The following HPSE2 variants were observed in gnomAD, a reference collection of about 807,000 sequenced individuals.
HPSE2 encodes the protein heparanase 2 (inactive), also known as inactive heparanase-2.
In HPSE2, 38 loss-of-function variants were observed where a neutral mutation model predicts 60.5. The observed-to-expected ratio is 0.63, with a 90% CI of 0.48 to 0.82. The LOEUF (loss-of-function observed/expected upper bound fraction) is 0.82. Among genes scored for constraint, HPSE2 ranks in the 40% least tolerant of loss-of-function variants. The pLI, the probability that HPSE2 is intolerant of heterozygous loss-of-function variation, is 0.00. For missense variants in HPSE2, 713 were observed against 740.4 expected (o/e 0.96, Z 0.43); for synonymous variants, 295 against 293.2 (o/e 1.01, Z -0.06).
At chr10:98,558,542 T>C (rs1246996243) in intron 9 of HPSE2, among the ~76,000 whole-genome samples, 4 of 152,158 alleles carry the variant, frequency 2.6e-5, no homozygotes, top group African/African-American at 9.7e-5. Context: ...TTATAGAGTA[T>C]AAAACTGGCA....
At chr10:99,000,592 A>G (rs1956755602) in intron 3 of HPSE2, among the ~76,000 whole-genome samples, 1 of 152,130 alleles carries the variant, frequency 6.6e-6, no homozygotes, top group Non-Finnish European at 1.5e-5. Flanking sequence ...GGAAAAGACT[A>G]TTTGATTTGA....
At chr10:98,887,076 A>G (rs541695085) in intron 3 of HPSE2, among the ~76,000 whole-genome samples, 18 of 152,182 alleles carry the variant, frequency 1.2e-4, no homozygotes, top group Non-Finnish European at 2.4e-4. Context: ...CAAAGTTGAA[A>G]TGATTAATAT....
intron 3 of HPSE2, among the ~76,000 whole-genome samples, chr10:98,903,544 ACT>A (rs755946593): frequency 3.3e-5 from 5 of 151,014 alleles, no homozygotes; most frequent in Non-Finnish European, 7.4e-5. Context: ...AAGCGGTCTC[ACT>A]CTCTCTCTCT....
chr10:98,510,211 T>C (rs1942344554), intron 9 of HPSE2, among the ~76,000 whole-genome samples: 1 of 152,210 alleles, frequency 6.6e-6, no homozygotes, highest in African/African-American at 2.4e-5. Flanking sequence ...TTTCTCAGGC[T>C]TCCTATTTCC....
In HPSE2 at chr10:98,755,902, G is replaced by A. The variant is rs187082464; in HGVS notation, c.611-11846C>T. Among the ~76,000 whole-genome samples the A allele has an allele frequency of 7.4e-4, 112 of 152,180 alleles. 1 individual carries two copies. Among genetic ancestry groups the A allele is most frequent in the African/African-American group, 2.6e-3 (108 of 41,504 alleles). On this transcript the variant is annotated intron_variant, in intron 3 of 11. Coordinates refer to ENST00000370552, the MANE Select transcript of HPSE2 (RefSeq NM_021828.5). Reference sequence around the variant, plus strand: ...TCCCAGCTACTCGGGAGGCTGAGGTGAGAGAACTGCTTGAACCAGGGAGTT... The same window carrying A: ...TCCCAGCTACTCGGGAGGCTGAGGTAAGAGAACTGCTTGAACCAGGGAGTT...
intron 3 of HPSE2, among the ~76,000 whole-genome samples, chr10:98,799,870 A>G (rs1015325100): frequency 3.9e-5 from 6 of 152,212 alleles, no homozygotes; most frequent in Non-Finnish European, 8.8e-5. Flanking sequence ...TGCATCTTAA[A>G]GAATTAGAAA....
At position 98,688,482 on chromosome 10, in the gene HPSE2, T is replaced by C. The variant is rs536787793; in HGVS notation, c.1004+5418A>G. On this transcript the variant is annotated intron_variant, in intron 6 of 11. Coordinates refer to ENST00000370552, the MANE Select transcript of HPSE2 (RefSeq NM_021828.5). ...TAGCATTTCTTTTTTTTTTTCTTTT[T>C]TTTTTTTTTTTGAGGCAGAATCTTG... 9.5e-5 allele frequency among the ~76,000 whole-genome samples: 13 copies of C among 137,560 alleles called. No homozygotes were observed. In the South Asian group the frequency reaches 1.1e-3, roughly 12 times the overall value. The allele number at this position is 137,560 out of a possible 152,430, so 90.2% of individuals were successfully genotyped here. A position where few individuals can be genotyped will look rare whatever the true frequency, so the allele number is the denominator to read the frequency against.
In HPSE2 at chr10:98,577,620, C is replaced by T. The variant is rs191186380; in HGVS notation, c.1320+37284G>A. Reference sequence around the variant, plus strand: ...TGGAGAGGTATTTTTCTCTCTCTTACCACAGTAAGCAATAAACTCAGTTTT... The same window carrying T: ...TGGAGAGGTATTTTTCTCTCTCTTATCACAGTAAGCAATAAACTCAGTTTT... On this transcript the variant is annotated intron_variant, in intron 9 of 11. Transcript: ENST00000370552. Among the ~76,000 whole-genome samples the T allele has an allele frequency of 7.9e-5, 12 of 152,274 alleles. No individual in the cohort carries two copies. The East Asian group carries it at 2.1e-3, about 27-fold the overall frequency.
intron 9 of HPSE2, among the ~76,000 whole-genome samples, chr10:98,610,485 G>GTA (rs1182842811): frequency 2.6e-5 from 4 of 152,156 alleles, no homozygotes; most frequent in Non-Finnish European, 5.9e-5. Context: ...CTAGTGAATT[G>GTA]TACTCCAATC....
chr10:98,553,362 C>T (rs59605086), intron 9 of HPSE2, among the ~76,000 whole-genome samples: 14,409 of 152,154 alleles, frequency 0.095, 895 homozygotes, highest in African/African-American at 0.16. Flanking sequence ...TCTTAGTTTG[C>T]GCTGTTCTTT....
chr10:99,055,725 C>G (rs901468631), intron 3 of HPSE2, among the ~76,000 whole-genome samples: 6 of 152,010 alleles, frequency 3.9e-5, no homozygotes, highest in Non-Finnish European at 7.4e-5. Context: ...CTAAATAACC[C>G]ATGGGTCAGG....
intron 9 of HPSE2, among the ~76,000 whole-genome samples, chr10:98,584,295 C>T (rs568388591): frequency 6.6e-6 from 1 of 152,292 alleles, no homozygotes; most frequent in Non-Finnish European, 1.5e-5. Flanking sequence ...AAAGCCTTCA[C>T]TGGACTGAAT....
At chr10:98,869,699 G>C (rs1405246365) in intron 3 of HPSE2, among the ~76,000 whole-genome samples, 2 of 152,070 alleles carry the variant, frequency 1.3e-5, no homozygotes, top group African/African-American at 2.4e-5. Flanking sequence ...ACCAATGGTG[G>C]CAAATTTGGA....
intron 9 of HPSE2, among the ~76,000 whole-genome samples, chr10:98,517,462 C>T (rs1009114939): frequency 1.3e-5 from 2 of 152,122 alleles, no homozygotes; most frequent in African/African-American, 2.4e-5. Flanking sequence ...GAGAGTACCT[C>T]GTAAATACAC....
intron 9 of HPSE2, among the ~76,000 whole-genome samples, chr10:98,609,991 G>A (rs1490298745): frequency 6.6e-6 from 1 of 151,900 alleles, no homozygotes; most frequent in Non-Finnish European, 1.5e-5. Flanking sequence ...ACAGGTGCCC[G>A]CCACCATGCC....
At chr10:98,829,090 AG>A (rs1951621061) in intron 3 of HPSE2, among the ~76,000 whole-genome samples, 1 of 152,236 alleles carries the variant, frequency 6.6e-6, no homozygotes, top group African/African-American at 2.4e-5. Context: ...TGCTCAGAAA[AG>A]GGCAAATACT....
intron 3 of HPSE2, among the ~76,000 whole-genome samples, chr10:98,843,559 C>T (rs558706021): frequency 2.0e-5 from 3 of 152,238 alleles, no homozygotes; most frequent in African/African-American, 7.2e-5. Flanking sequence ...AATAATTAAG[C>T]TACAACATAA....
At chr10:98,656,082 GTTT>G (rs34294462) in intron 6 of HPSE2, among the ~76,000 whole-genome samples, 3 of 140,836 alleles carry the variant, frequency 2.1e-5, no homozygotes, top group Admixed American at 7.1e-5. Flanking sequence ...TCCTATTTGA[GTTT>G]TTTTTTTTTT....
intron 11 of HPSE2, among the ~76,000 whole-genome samples, chr10:98,479,837 T>A (rs1437003393): frequency 6.6e-6 from 1 of 152,196 alleles, no homozygotes; most frequent in Non-Finnish European, 1.5e-5. Context: ...TGCATATGCA[T>A]GGGTTTGTGG....
Sources: allele counts gnomAD v4.1 joint callset (sites outside exome capture counted in the v4.1 genomes callset), GRCh38; gene constraint gnomAD v4.1.1; transcripts MANE v1.5; gene names NCBI Gene and HGNC (gene_info 2026-07-23, HGNC 2026-07-21).